TBC1D30: variants seen among roughly 807,000 people sequenced by gnomAD.
The protein encoded by TBC1D30 is TBC1 domain family member 30.
TBC1D30 carries 31 observed loss-of-function variants against 63.2 expected under a neutral mutation model. The ratio of observed to expected loss-of-function variants is 0.49; its 90% CI spans 0.37 to 0.66. The LOEUF is 0.66. TBC1D30 is among the 30% of genes least tolerant of loss of function. The pLI is 0.00. For synonymous variants in TBC1D30, 307 were observed against 361.5 expected (o/e 0.85, Z 1.71); for missense variants, 810 against 953.6 (o/e 0.85, Z 1.98).
intron 6 of TBC1D30, among the ~76,000 whole-genome samples, chr12:64,837,025 A>C (rs1463815815): frequency 1.3e-5 from 2 of 152,174 alleles, no homozygotes; most frequent in Admixed American, 6.5e-5. Flanking sequence ...TTTAGTACAA[A>C]CTGGTTTTAC....
intron 2 of TBC1D30, among the ~76,000 whole-genome samples, chr12:64,793,218 C>A (rs1293075521): frequency 6.6e-6 from 1 of 152,148 alleles, no homozygotes; most frequent in Admixed American, 6.5e-5. Context: ...TGGCATGCAT[C>A]TGTAGTCCCA....
At chr12:64,867,009 A>G (rs1195665200) in intron 10 of TBC1D30, 106 bp downstream of exon 10, 1 of 1,292,664 alleles carries the variant, frequency 7.7e-7, no homozygotes, top group East Asian at 2.5e-5. Context: ...AACTGGTTAC[A>G]ACTATTAAAA....
chr12:64,811,995 C>T (rs568429402), intron 2 of TBC1D30, among the ~76,000 whole-genome samples: 2 of 152,328 alleles, frequency 1.3e-5, no homozygotes, highest in South Asian at 2.1e-4. Context: ...ATCTCAACTT[C>T]ACCACTTAGT....
intron 8 of TBC1D30, among the ~76,000 whole-genome samples, chr12:64,861,550 G>GA (rs983489228): frequency 3.9e-5 from 6 of 152,146 alleles, no homozygotes; most frequent in African/African-American, 7.2e-5. Context: ...GTGCCATACT[G>GA]AAAATCATAT....
chr12:64,807,480 A>G (rs1317734739), intron 2 of TBC1D30, among the ~76,000 whole-genome samples: 3 of 152,216 alleles, frequency 2.0e-5, no homozygotes, highest in Non-Finnish European at 4.4e-5. Flanking sequence ...CAACAGTGTG[A>G]GTAGTGCCTA....
At chr12:64,759,839 A>G (rs2136260929) in intron 1 of TBC1D30, among the ~76,000 whole-genome samples, 1 of 152,342 alleles carries the variant, frequency 6.6e-6, no homozygotes, top group South Asian at 2.1e-4. Context: ...GCTGGTGAGG[A>G]AAGTGGACTC....
intron 2 of TBC1D30, among the ~76,000 whole-genome samples, chr12:64,790,945 G>C (rs901385578): frequency 6.6e-6 from 1 of 152,130 alleles, no homozygotes; most frequent in Non-Finnish European, 1.5e-5. Flanking sequence ...TTCTACCCGA[G>C]AGAATTGAAG....
intron 1 of TBC1D30, among the ~76,000 whole-genome samples, chr12:64,766,099 A>G (rs1210113896): frequency 6.6e-6 from 1 of 152,092 alleles, no homozygotes; most frequent in African/African-American, 2.4e-5. Context: ...ATTAAACAAT[A>G]TGGGGGGGAG....
chr12:64,759,844 G>A (rs1334667486), intron 1 of TBC1D30, among the ~76,000 whole-genome samples: 3 of 152,172 alleles, frequency 2.0e-5, no homozygotes, highest in Non-Finnish European at 4.4e-5. Flanking sequence ...TGAGGAAAGT[G>A]GACTCTACCA....
intron 5 of TBC1D30, among the ~76,000 whole-genome samples, 188 bp downstream of exon 5, chr12:64,832,492 G>C (rs1436527106): frequency 6.6e-6 from 1 of 152,236 alleles, no homozygotes; most frequent in Non-Finnish European, 1.5e-5. Flanking sequence ...TGCCAACTAT[G>C]AGGCAAATGA....
At chr12:64,845,691 A>T (rs1185279839) in intron 8 of TBC1D30, among the ~76,000 whole-genome samples, 1 of 143,302 alleles carries the variant, frequency 7.0e-6, no homozygotes, top group East Asian at 2.2e-4. Flanking sequence ...GTGCCACTGT[A>T]CTCCAGCCTG....
chr12:64,866,659 C>G, intron 9 of TBC1D30, 105 bp from the exon 10 acceptor site: 1 of 1,077,800 alleles, frequency 9.3e-7, no homozygotes, highest in Non-Finnish European at 1.3e-6. Context: ...ATATGTAATT[C>G]TATGTTAATT....
In TBC1D30 at chr12:64,803,028, G is replaced by A. The variant is rs181007291; in HGVS notation, c.643+16983G>A. Among the ~76,000 whole-genome samples the A allele has an allele frequency of 7.2e-4, 110 of 152,210 alleles. 1 individual carries two copies. The highest frequency in any genetic ancestry group is 2.6e-3 in the African/African-American group (107 of 41,532). ...TATATACCCAGTAATGGGATGGCTG[G>A]GTCAAATGGTATTTCTAGTTCTAGA... is the stretch of plus-strand genomic sequence containing the variant. On this transcript the variant is annotated intron_variant, in intron 2 of 12. Transcript: ENST00000542120.
At chr12:64,776,321 C>G (rs1285061754), upstream of TBC1D30, among the ~76,000 whole-genome samples, 1 of 152,042 alleles carries the variant, frequency 6.6e-6, no homozygotes, top group Non-Finnish European at 1.5e-5. Context: ...AATCCAGGAG[C>G]TAGTTTTTTT....
Position 64,836,487 on chromosome 12 carries a change from T to C in TBC1D30, c.595-3T>C. 1.3e-6 allele frequency: 2 copies of C among 1,533,352 alleles called. No homozygotes were observed. The highest frequency in any genetic ancestry group is 1.7e-4 in the Middle Eastern group (1 of 5,968). 95.0% of individuals were successfully genotyped at this position (1,533,352 alleles called of 1,614,324 possible). A position where few individuals can be genotyped will look rare whatever the true frequency, so the allele number is the denominator to read the frequency against. ...GTCTTAAGCTTTATCTTTTTTTCTT[T>C]AGATTATGATTTACCTTATTGATAA... On this transcript the variant is annotated splice_polypyrimidine_tract_variant and splice_region_variant and intron_variant, in intron 5 of 11. Transcript: ENST00000539867.
At chr12:64,762,707 C>T (rs768398784) in intron 1 of TBC1D30, among the ~76,000 whole-genome samples, 2 of 152,058 alleles carry the variant, frequency 1.3e-5, no homozygotes, top group African/African-American at 2.4e-5. Flanking sequence ...CTTTTTTCCC[C>T]TTACATTATA....
intron 1 of TBC1D30, among the ~76,000 whole-genome samples, chr12:64,781,778 A>G (rs1393430820): frequency 6.6e-6 from 1 of 151,246 alleles, no homozygotes; most frequent in Non-Finnish European, 1.5e-5. Context: ...GAATAATTCG[A>G]TAATGCGGTT....
At chr12:64,840,595 A>G (rs1875785082) in intron 7 of TBC1D30, among the ~76,000 whole-genome samples, 1 of 152,220 alleles carries the variant, frequency 6.6e-6, no homozygotes, top group Non-Finnish European at 1.5e-5. Context: ...ATTCTTCATC[A>G]TCCTATAAAG....
At chr12:64,800,982 G>A (rs969099100) in intron 2 of TBC1D30, among the ~76,000 whole-genome samples, 8 of 152,106 alleles carry the variant, frequency 5.3e-5, no homozygotes, top group South Asian at 2.1e-4. Flanking sequence ...GAGGTGAGAC[G>A]GATGAGAACT....
Sources: gnomAD v4.1 joint callset for allele counts (sites outside exome capture counted in the v4.1 genomes callset) on GRCh38, gnomAD v4.1.1 for gene constraint, MANE v1.5 for transcripts, NCBI Gene and HGNC (gene_info 2026-07-23, HGNC 2026-07-21) for gene names.